Variants in BEND7 observed in about 807,000 individuals in gnomAD.
BEND7 encodes the protein BEN domain containing 7.
Under a neutral mutation model 50.9 loss-of-function variants are expected in BEND7, and 28 were observed. The observed-to-expected ratio is 0.55, with a 90% CI of 0.41 to 0.75. The LOEUF (loss-of-function observed/expected upper bound fraction) is 0.75, where lower values mean the gene tolerates loss of function less well. Ranked by LOEUF, BEND7 falls within the 30% of genes least tolerant of loss-of-function variation. The probability of loss-of-function intolerance (pLI) is 0.00; values close to 1 mark genes in which losing one functional copy is unlikely to be tolerated. For missense variants in BEND7, 477 were observed against 491.3 expected, an observed-to-expected ratio of 0.97 and a Z score of 0.28; for synonymous variants, 170 against 183.9, an observed-to-expected ratio of 0.92 and a Z score of 0.61.
intron 6 of BEND7, among the ~76,000 whole-genome samples, chr10:13,467,381 A>G (rs1172920295): frequency 6.6e-6 from 1 of 152,162 alleles, no homozygotes; most frequent in East Asian, 1.9e-4. Flanking sequence ...GTTTATTTAA[A>G]CCAAAATCCC....
At chr10:13,480,414 G>C (rs893294111) in intron 6 of BEND7, among the ~76,000 whole-genome samples, 6 of 152,166 alleles carry the variant, frequency 3.9e-5, no homozygotes, top group Non-Finnish European at 8.8e-5. Flanking sequence ...GGGACGCACA[G>C]GGTTTGATGT....
chr10:13,493,331 A>G (rs1041594242), intron 4 of BEND7, among the ~76,000 whole-genome samples: 2 of 152,210 alleles, frequency 1.3e-5, no homozygotes, highest in African/African-American at 2.4e-5. Context: ...GCCAAAACTG[A>G]TAAAGATGAG....
intron 7 of BEND7, among the ~76,000 whole-genome samples, chr10:13,450,862 A>C (rs746763739): frequency 6.6e-6 from 1 of 151,876 alleles, no homozygotes; most frequent in Non-Finnish European, 1.5e-5. Flanking sequence ...TTGTGATGGG[A>C]ATTATTAATA....
In BEND7 at chr10:13,526,410, C is replaced by T. The variant is rs527580771; in HGVS notation, c.62-189G>A. On this transcript the variant is annotated intron_variant, in intron 1 of 8. Transcript: ENST00000466271. ...CTAAAACTTTGCTTATTCTGGAGTA[C>T]GCAAACTTGAAAGATTACTTTGGCT... Among the ~76,000 whole-genome samples the T allele has an allele frequency of 8.5e-5, 13 of 152,294 alleles. No homozygotes were observed. In the East Asian group the frequency reaches 9.6e-4, roughly 11 times the overall value.
At chr10:13,520,097 A>T (rs1475500128) in intron 2 of BEND7, among the ~76,000 whole-genome samples, 1 of 152,244 alleles carries the variant, frequency 6.6e-6, no homozygotes, top group East Asian at 1.9e-4. Flanking sequence ...TGGCCAGGCC[A>T]TGTCCAAATT....
intron 5 of BEND7, among the ~76,000 whole-genome samples, chr10:13,487,975 C>A (rs796662876): frequency 1.3e-5 from 2 of 151,222 alleles, no homozygotes; most frequent in African/African-American, 4.9e-5. Context: ...CACCCATAGT[C>A]CCAGCTACTC....
chr10:13,475,835 G>A (rs1336565076), intron 6 of BEND7, among the ~76,000 whole-genome samples: 1 of 152,202 alleles, frequency 6.6e-6, no homozygotes. Flanking sequence ...GGCCTTGGGT[G>A]AAGTCCTGAT....
At chr10:13,516,102 A>G (rs917833841) in intron 2 of BEND7, among the ~76,000 whole-genome samples, 10 of 152,222 alleles carry the variant, frequency 6.6e-5, no homozygotes, top group South Asian at 2.1e-4. Flanking sequence ...TTATTCAAGA[A>G]TAGTTATTAA....
intron 6 of BEND7, among the ~76,000 whole-genome samples, chr10:13,479,591 G>T (rs1288425206): frequency 6.6e-6 from 1 of 152,182 alleles, no homozygotes; most frequent in East Asian, 1.9e-4. Context: ...TTTGAGAAGG[G>T]ACCCTTCTTC....
intron 5 of BEND7, among the ~76,000 whole-genome samples, chr10:13,487,551 T>TA (rs1186969196): frequency 6.6e-6 from 1 of 151,962 alleles, no homozygotes; most frequent in Admixed American, 6.6e-5. Context: ...CACGCCCGGC[T>TA]AATTTTATAT....
At chr10:13,526,291 G>T in intron 1 of BEND7, 70 bp from the exon 2 acceptor site, 1 of 682,478 alleles carries the variant, frequency 1.5e-6, no homozygotes, top group Non-Finnish European at 2.1e-6. Context: ...GTCAAGTCTA[G>T]AATCTCATTC....
intron 6 of BEND7, among the ~76,000 whole-genome samples, chr10:13,454,427 T>G (rs1195603237): frequency 3.4e-5 from 5 of 147,226 alleles, no homozygotes; most frequent in African/African-American, 4.9e-5. Context: ...GGCAATACAG[T>G]GAGACCCTGT....
intron 6 of BEND7, among the ~76,000 whole-genome samples, chr10:13,467,817 A>G (rs2074402106): frequency 6.6e-6 from 1 of 152,148 alleles, no homozygotes; most frequent in South Asian, 2.1e-4. Flanking sequence ...ATTTTTAAGA[A>G]ACCACCTTTT....
At position 13,498,217 on chromosome 10, in the gene BEND7, A is replaced by C. The variant is rs149850650; in HGVS notation, c.449-1329T>G. ...CAGCCCCCCAAGTAGCTGGGACTAC[A>C]TGCATGCGCTACCACGCCCGGCTAA... is the stretch of plus-strand genomic sequence containing the variant. On this transcript the variant is annotated intron_variant, in intron 3 of 8. Coordinates refer to ENST00000466271, the MANE Select transcript of BEND7 (RefSeq NM_001369863.1). Among the ~76,000 whole-genome samples the C allele has an allele frequency of 2.3e-3, 346 of 151,932 alleles. 1 individual carries two copies. The highest frequency in any genetic ancestry group is 8.2e-3 in the African/African-American group (339 of 41,462).
At chr10:13,515,461 A>G (rs1327413089) in intron 2 of BEND7, among the ~76,000 whole-genome samples, 1 of 152,228 alleles carries the variant, frequency 6.6e-6, no homozygotes, top group African/African-American at 2.4e-5. Context: ...TGTTTGAAAA[A>G]CATGCAATAC....
chr10:13,494,215 G>A (rs1344294196), intron 4 of BEND7, among the ~76,000 whole-genome samples: 1 of 152,092 alleles, frequency 6.6e-6, no homozygotes. Flanking sequence ...TCAAGAGATC[G>A]AGACCATCCT....
At chr10:13,512,735 TTC>T (rs1171843019) in intron 2 of BEND7, among the ~76,000 whole-genome samples, 1 of 152,250 alleles carries the variant, frequency 6.6e-6, no homozygotes, top group African/African-American at 2.4e-5. Flanking sequence ...TTTTAAAATA[TTC>T]TGAGTTAAAC....
chr10:13,438,940 A>T, downstream of BEND7: 1 of 497,230 alleles, frequency 2.0e-6, no homozygotes, highest in South Asian at 2.4e-5. Context: ...CACTTCTGGT[A>T]ACTGGCAGCA....
At chr10:13,478,404 C>A (rs1214902380) in intron 6 of BEND7, among the ~76,000 whole-genome samples, 1 of 152,196 alleles carries the variant, frequency 6.6e-6, no homozygotes, top group Non-Finnish European at 1.5e-5. Context: ...GGTAGCATCT[C>A]CTGAGCTCTT....
Sources: allele counts gnomAD v4.1 joint callset (sites outside exome capture counted in the v4.1 genomes callset), GRCh38; gene constraint gnomAD v4.1.1; transcripts MANE v1.5; gene names NCBI Gene and HGNC (gene_info 2026-07-23, HGNC 2026-07-21).